SUCLA2: variants seen among roughly 807,000 people sequenced by gnomAD.
SUCLA2 encodes the protein succinate--CoA ligase [ADP-forming] subunit beta, mitochondrial.
A neutral mutation model predicts 54.8 loss-of-function variants in SUCLA2; 30 were observed. The ratio of observed to expected loss-of-function variants is 0.55; its 90% confidence interval spans 0.41 to 0.74. The LOEUF is 0.74. SUCLA2 is among the 30% of genes least tolerant of loss of function. SUCLA2 has a pLI of 0.00. For synonymous variants in SUCLA2, 172 were observed against 188.9 expected (o/e 0.91, Z 0.74); for missense variants, 476 against 562.9 (o/e 0.85, Z 1.56).
chr13:47,995,037 G>C (rs1360041221), intron 2 of SUCLA2: 1 of 195,454 alleles, frequency 5.1e-6, no homozygotes, highest in Non-Finnish European at 9.3e-6. Flanking sequence ...GAAAATATAC[G>C]GAAAACTAGT....
chr13:47,959,550 G>A (rs530551396), intron 6 of SUCLA2, among the ~76,000 whole-genome samples: 183 of 149,888 alleles, frequency 1.2e-3, no homozygotes, highest in Non-Finnish European at 2.1e-3. Flanking sequence ...GGGACTGATC[G>A]GAAAGCCCAG....
intron 4 of SUCLA2, among the ~76,000 whole-genome samples, chr13:47,983,457 T>C (rs1321591927): frequency 6.6e-6 from 1 of 151,050 alleles, no homozygotes; most frequent in Non-Finnish European, 1.5e-5. Flanking sequence ...ATCTTTAAAA[T>C]ATTCTAACAT....
chr13:47,986,029 G>T (rs1463040922), intron 4 of SUCLA2, among the ~76,000 whole-genome samples: 3 of 122,216 alleles, frequency 2.5e-5, no homozygotes, highest in Admixed American at 9.2e-5. Context: ...CATATGTATA[G>T]TTTTTTTTTT....
intron 6 of SUCLA2, among the ~76,000 whole-genome samples, chr13:47,961,780 C>T (rs1949873418): frequency 6.6e-6 from 1 of 152,142 alleles, no homozygotes; most frequent in Non-Finnish European, 1.5e-5. Context: ...ACACAAGTAA[C>T]CAAATATCCT....
chr13:47,984,082 T>G (rs1950080197), intron 4 of SUCLA2, among the ~76,000 whole-genome samples: 1 of 152,200 alleles, frequency 6.6e-6, no homozygotes, highest in South Asian at 2.1e-4. Flanking sequence ...AATAGCTATT[T>G]CATGTTCAAA....
At chr13:47,961,822 C>T (rs1593484155) in intron 6 of SUCLA2, among the ~76,000 whole-genome samples, 1 of 152,294 alleles carries the variant, frequency 6.6e-6, no homozygotes, top group East Asian at 1.9e-4. Flanking sequence ...TGTCTTATGA[C>T]TTTCAACATC....
intron 9 of SUCLA2, 47 bp from the exon 10 acceptor site, chr13:47,949,075 A>G (rs1157110492): frequency 6.4e-7 from 1 of 1,572,394 alleles, no homozygotes; most frequent in Admixed American, 1.7e-5. Flanking sequence ...ACACACACAA[A>G]AGCATTTTAA....
intron 1 of SUCLA2, among the ~76,000 whole-genome samples, chr13:48,000,100 C>A (rs548239936): frequency 2.0e-5 from 3 of 150,880 alleles, no homozygotes; most frequent in African/African-American, 7.3e-5. Context: ...GAACTCACTA[C>A]CCCTAGGCTG....
intron 4 of SUCLA2, chr13:47,987,515 A>C (rs1310144789): frequency 6.6e-6 from 1 of 152,262 alleles, no homozygotes; most frequent in Non-Finnish European, 1.5e-5. Context: ...ATCACATAGA[A>C]TATCACTTAA....
intron 6 of SUCLA2, among the ~76,000 whole-genome samples, chr13:47,956,367 A>T (rs986858962): frequency 6.6e-6 from 1 of 151,392 alleles, no homozygotes; most frequent in African/African-American, 2.4e-5. Flanking sequence ...CTGCAGGAAG[A>T]AAAAAAAAGA....
rs182670444 is a variant in SUCLA2 at position 47,963,576 on chromosome 13, C to T, written c.802+5019G>A. Among the ~76,000 whole-genome samples, 54 of 151,996 alleles carry T rather than the reference C, an allele frequency of 3.6e-4. 1 individual carries two copies. In the East Asian group the frequency reaches 5.2e-3, roughly 15 times the overall value. On this transcript the variant is annotated intron_variant, in intron 6 of 10. Transcript: ENST00000646932. ...AGGAGAATCGCCTGAACCCGGGAGG[C>T]GGAGGTTGCAGTGAGCTGAGATCAC...
At chr13:47,950,089 G>A (rs1177620338) in intron 8 of SUCLA2, among the ~76,000 whole-genome samples, 1 of 152,162 alleles carries the variant, frequency 6.6e-6, no homozygotes, top group Admixed American at 6.5e-5. Context: ...GCAGAGCAAG[G>A]CCTTCTGCAG....
At chr13:47,954,021 A>G in intron 8 of SUCLA2, 119 bp downstream of exon 8, 2 of 966,566 alleles carry the variant, frequency 2.1e-6, no homozygotes, top group Non-Finnish European at 2.7e-6. Context: ...AAGACTCAAA[A>G]TATATATTAA....
At chr13:47,997,385 T>G (rs1304517487) in intron 1 of SUCLA2, among the ~76,000 whole-genome samples, 1 of 152,092 alleles carries the variant, frequency 6.6e-6, no homozygotes, top group Non-Finnish European at 1.5e-5. Flanking sequence ...TCTCTACCAT[T>G]CCTCCACACC....
intron 4 of SUCLA2, among the ~76,000 whole-genome samples, chr13:47,984,431 T>C (rs1950084447): frequency 6.6e-6 from 1 of 151,936 alleles, no homozygotes. Context: ...CTCGATCTCC[T>C]GACCTCATGA....
chr13:47,994,726 T>A, intron 2 of SUCLA2: 1 of 571,556 alleles, frequency 1.7e-6, no homozygotes, highest in Non-Finnish European at 2.2e-6. Flanking sequence ...ATTTGCAATA[T>A]TCTTTGACAA....
Position 47,968,699 on chromosome 13 carries a change from A to G in SUCLA2, c.698T>C (p.Val233Ala), listed in dbSNP as rs1949938160. 1.2e-6 allele frequency: 2 copies of G among 1,612,138 alleles called. No homozygotes were observed. Among genetic ancestry groups the G allele is most frequent in the Non-Finnish European group, 1.7e-6 (2 of 1,179,882 alleles). Residue 233 changes from valine (V) to alanine (A), a missense_variant, in exon 6 of 11, where the codon GTG (valine) becomes GCG (alanine). By Grantham distance (64) the Val-to-Ala change is moderately conservative. Around this residue, in one of 2 missense-constraint regions of SUCLA2, gnomAD observed 342 missense variants for 444.2 expected, o/e 0.77. Coordinates refer to ENST00000646932, the MANE Select transcript of SUCLA2 (RefSeq NM_003850.3). ...GACCATGTTTTCTGCTGCTGATTCCACAATATTAGGTGGAAATCCCATCTT... is the reference window on the plus strand; with the variant it reads ...GACCATGTTTTCTGCTGCTGATTCCGCAATATTAGGTGGAAATCCCATCTT... ...AQKMGFPPNI[V>A]ESAAENMVKL...
In SUCLA2 at chr13:47,954,480, A is replaced by G. The variant is rs756098740; in HGVS notation, c.880T>C (p.Trp294Arg). 8.1e-6 allele frequency: 13 copies of G among 1,613,962 alleles called. No individual in the cohort carries two copies. The Middle Eastern group carries it at 9.9e-4, about 123-fold the overall frequency. ...TTGTCCCTTTCATCTTCCTGGGTCC[A>G]GTCCTGTAGATCAAAGATTTTCTTT... is the stretch of plus-strand genomic sequence containing the variant. ...RQKKIFDLQD[W>R]TQEDERDKDA... is the part of the protein sequence containing the mutation. Residue 294 changes from tryptophan (W) to arginine (R), a missense_variant, in exon 7 of 11, where the codon TGG becomes CGG. Around this residue, in one of 2 missense-constraint regions of SUCLA2, gnomAD observed 342 missense variants for 444.2 expected, o/e 0.77. Coordinates refer to ENST00000646932, the MANE Select transcript of SUCLA2 (RefSeq NM_003850.3).
intron 4 of SUCLA2, among the ~76,000 whole-genome samples, chr13:47,982,401 A>T (rs6561421): frequency 0.95 from 144,106 of 152,176 alleles, 68,306 homozygotes; most frequent in East Asian, 1. Context: ...CAAAGAATGG[A>T]GATTACCAGG....
Sources: allele counts gnomAD v4.1 joint callset (sites outside exome capture counted in the v4.1 genomes callset), GRCh38; gene constraint gnomAD v4.1.1; regional missense constraint gnomAD v4.1.1; transcripts MANE v1.5; gene names NCBI Gene and HGNC (gene_info 2026-07-23, HGNC 2026-07-21).